The following RPS6KC1 variants were observed in gnomAD, a reference collection of about 807,000 sequenced individuals.
RPS6KC1 encodes the protein inactive ribosomal protein S6 kinase delta-1.
RPS6KC1 carries 54 observed loss-of-function variants against 103.8 expected under a neutral mutation model. That is an observed-to-expected ratio of 0.52 (90% CI 0.42 to 0.65). RPS6KC1 has a LOEUF of 0.65. Among genes scored for constraint, RPS6KC1 ranks in the 30% least tolerant of loss-of-function variants. The pLI is 0.00. For synonymous variants in RPS6KC1, 439 were observed against 438.7 expected (o/e 1.00, Z -0.01); for missense variants, 1,151 against 1,253.8 (o/e 0.92, Z 1.24).
At chr1:213,153,051 A>G (rs952941345) in intron 6 of RPS6KC1, among the ~76,000 whole-genome samples, 2 of 152,242 alleles carry the variant, frequency 1.3e-5, no homozygotes, top group African/African-American at 4.8e-5. Context: ...CGGCCTGGCC[A>G]ACACAGCGAA....
At chr1:213,310,032 G>T in the RPS6KC1 span, among the ~76,000 whole-genome samples, 1 of 151,988 alleles carries the variant, frequency 6.6e-6, no homozygotes, top group Non-Finnish European at 1.5e-5. Flanking sequence ...GCAAATCCTG[G>T]TGGCCCCTCT....
the RPS6KC1 span, among the ~76,000 whole-genome samples, chr1:213,374,913 A>G: frequency 6.6e-6 from 1 of 152,188 alleles, no homozygotes; most frequent in Non-Finnish European, 1.5e-5. Context: ...TTAAAAGGCG[A>G]ACAGTTTCCA....
chr1:213,483,559 T>G, the RPS6KC1 span, among the ~76,000 whole-genome samples: 2 of 152,324 alleles, frequency 1.3e-5, no homozygotes, highest in Admixed American at 6.5e-5. Flanking sequence ...ACTGCCAAAC[T>G]TTTTCAAAGG....
the RPS6KC1 span, among the ~76,000 whole-genome samples, chr1:213,826,470 A>G: frequency 6.6e-6 from 1 of 152,208 alleles, no homozygotes; most frequent in Non-Finnish European, 1.5e-5. Flanking sequence ...TTTCAATACT[A>G]TATAGACTTG....
chr1:213,549,636 T>C, the RPS6KC1 span, among the ~76,000 whole-genome samples: 3 of 95,198 alleles, frequency 3.2e-5, no homozygotes, highest in Non-Finnish European at 7.2e-5. Flanking sequence ...TTTTTTTTTT[T>C]TGGTAGTCAG....
the RPS6KC1 span, among the ~76,000 whole-genome samples, chr1:213,719,486 G>GTA: frequency 3.3e-5 from 5 of 152,110 alleles, no homozygotes; most frequent in Non-Finnish European, 7.3e-5. Flanking sequence ...GTGTGCATGT[G>GTA]CATATATATA....
At chr1:213,104,825 C>A (rs534895112) in intron 4 of RPS6KC1, among the ~76,000 whole-genome samples, 2 of 150,192 alleles carry the variant, frequency 1.3e-5, no homozygotes, top group Non-Finnish European at 3.0e-5. Flanking sequence ...GTGATCATGG[C>A]GTACTATAGT....
chr1:213,621,476 G>T, the RPS6KC1 span, among the ~76,000 whole-genome samples: 1 of 152,068 alleles, frequency 6.6e-6, no homozygotes, highest in Non-Finnish European at 1.5e-5. Flanking sequence ...GTCACATGAC[G>T]CCTAAGTCAC....
chr1:213,100,857 C>G lies in RPS6KC1; in HGVS notation c.263-3597C>G, dbSNP rs576500928. 7.9e-5 allele frequency among the ~76,000 whole-genome samples: 12 copies of G among 152,274 alleles called. 1 individual carries two copies. The South Asian group carries it at 2.5e-3, about 32-fold the overall frequency. On this transcript the variant is annotated intron_variant, in intron 3 of 14. Coordinates refer to ENST00000366960, the MANE Select transcript of RPS6KC1 (RefSeq NM_012424.6). ...CTGTTGATGGGCACCTAGGTTGATT[C>G]CATGTCTTTACTATCGTGAATAGCA... is the stretch of plus-strand genomic sequence containing the variant.
chr1:213,099,125 G>A (rs2081771478), intron 3 of RPS6KC1, among the ~76,000 whole-genome samples: 1 of 152,194 alleles, frequency 6.6e-6, no homozygotes, highest in African/African-American at 2.4e-5. Flanking sequence ...GAGAATGGTT[G>A]CAAGGTTATT....
At chr1:213,224,500 C>T (rs575929242) in intron 8 of RPS6KC1, among the ~76,000 whole-genome samples, 18 of 152,240 alleles carry the variant, frequency 1.2e-4, no homozygotes, top group African/African-American at 4.1e-4. Context: ...GGGAGAAATA[C>T]ATTAATTGTA....
chr1:213,563,661 T>C, the RPS6KC1 span, among the ~76,000 whole-genome samples: 1 of 152,154 alleles, frequency 6.6e-6, no homozygotes, highest in African/African-American at 2.4e-5. Flanking sequence ...TTGGAAAATA[T>C]CATCTAGGAT....
chr1:213,087,810 C>T (rs980677104), intron 3 of RPS6KC1, among the ~76,000 whole-genome samples: 3 of 152,168 alleles, frequency 2.0e-5, no homozygotes, highest in Non-Finnish European at 2.9e-5. Context: ...CGGAATTTGT[C>T]TGTGTATCTG....
chr1:213,238,361 A>G (rs921255031), intron 10 of RPS6KC1, among the ~76,000 whole-genome samples: 26 of 152,190 alleles, frequency 1.7e-4, no homozygotes, highest in Admixed American at 1.7e-3. Context: ...AAAGCCCATT[A>G]TGAATTCTTT....
At chr1:213,784,846 A>T in the RPS6KC1 span, among the ~76,000 whole-genome samples, 1 of 152,330 alleles carries the variant, frequency 6.6e-6, no homozygotes, top group East Asian at 1.9e-4. Flanking sequence ...AAAACTCTTC[A>T]TAAACTTTCA....
intron 5 of RPS6KC1, 123 bp downstream of exon 5, chr1:213,117,533 G>C: frequency 3.7e-6 from 2 of 534,092 alleles, no homozygotes; most frequent in Non-Finnish European, 6.6e-6. Context: ...ATTCTAAGAT[G>C]CTTTTTTTCT....
chr1:213,082,829 A>G (rs1292772472), intron 3 of RPS6KC1, among the ~76,000 whole-genome samples: 5 of 152,220 alleles, frequency 3.3e-5, no homozygotes, highest in Non-Finnish European at 7.3e-5. Flanking sequence ...TTCTGAGCAA[A>G]TATGGCCTAA....
At chr1:213,755,824 T>C in the RPS6KC1 span, among the ~76,000 whole-genome samples, 3 of 152,210 alleles carry the variant, frequency 2.0e-5, no homozygotes, top group African/African-American at 7.2e-5. Flanking sequence ...CAGAAGTGCT[T>C]TAGCAATAAA....
At chr1:213,230,062 A>G (rs2094054339) in intron 8 of RPS6KC1, among the ~76,000 whole-genome samples, 1 of 152,172 alleles carries the variant, frequency 6.6e-6, no homozygotes, top group African/African-American at 2.4e-5. Flanking sequence ...TACCAAAAGG[A>G]TGCCTTAGGC....
Sources: allele counts gnomAD v4.1 joint callset (sites outside exome capture counted in the v4.1 genomes callset), GRCh38; gene constraint gnomAD v4.1.1; transcripts MANE v1.5; gene names NCBI Gene and HGNC (gene_info 2026-07-23, HGNC 2026-07-21).